SOX30: variants seen among roughly 807,000 people sequenced by gnomAD.
The protein encoded by SOX30 is SRY-box transcription factor 30.
SOX30 carries 17 observed loss-of-function variants against 58.6 expected under a neutral mutation model. The observed-to-expected ratio is 0.29, with a 90% CI of 0.20 to 0.44. The LOEUF is 0.44. SOX30 is among the 20% of genes least tolerant of loss of function. The probability of loss-of-function intolerance (pLI) is 1.00; values close to 1 mark genes in which losing one functional copy is unlikely to be tolerated. For missense variants in SOX30, 951 were observed against 965.8 expected, an observed-to-expected ratio of 0.98 and a Z score of 0.20; for synonymous variants, 421 against 400.2, an observed-to-expected ratio of 1.05 and a Z score of -0.62.
upstream of SOX30, among the ~76,000 whole-genome samples, chr5:157,652,641 T>C (rs1415483192): frequency 1.3e-5 from 2 of 152,346 alleles, no homozygotes; most frequent in Admixed American, 6.5e-5. Context: ...TATTAGCTAA[T>C]GTTGCTGGGG....
intron 3 of SOX30, among the ~76,000 whole-genome samples, chr5:157,646,112 A>G (rs1310762694): frequency 6.6e-6 from 1 of 152,168 alleles, no homozygotes; most frequent in Non-Finnish European, 1.5e-5. Flanking sequence ...TTTGGTTCTT[A>G]AAATCAGTAA....
chr5:157,633,095 G>A (rs574194532), intron 4 of SOX30, among the ~76,000 whole-genome samples: 1 of 152,236 alleles, frequency 6.6e-6, no homozygotes, highest in African/African-American at 2.4e-5. Context: ...ATTCCTTCCA[G>A]GGTCTTGGCT....
At chr5:157,652,917 T>C (rs1759398694), upstream of SOX30, among the ~76,000 whole-genome samples, 1 of 152,152 alleles carries the variant, frequency 6.6e-6, no homozygotes, top group African/African-American at 2.4e-5. Flanking sequence ...GTCACACTTT[T>C]CCTAAACTTT....
At chr5:157,653,075 T>C (rs191314780), upstream of SOX30, among the ~76,000 whole-genome samples, 23 of 152,382 alleles carry the variant, frequency 1.5e-4, no homozygotes, top group Non-Finnish European at 2.2e-4. Flanking sequence ...TAAATAGTTA[T>C]TGAGTCTTTG....
intron 4 of SOX30, 128 bp from the exon 5 acceptor site, chr5:157,626,849 A>C: frequency 1.0e-6 from 1 of 992,976 alleles, no homozygotes. Flanking sequence ...CACTTCATGT[A>C]TTCCTCTGCT....
In SOX30 at chr5:157,646,239, C is replaced by T. The variant is rs76998048; in HGVS notation, c.1387+398G>A. Among the ~76,000 whole-genome samples the T allele has an allele frequency of 2.1e-3, 322 of 152,276 alleles. 1 individual carries two copies. The highest frequency in any genetic ancestry group is 7.2e-3 in the African/African-American group (300 of 41,546). ...TTTTCTAGAGCAGTGAGAGAATGGT[C>T]TCAACAAATCAGTATCATTACTAAG... On this transcript the variant is annotated intron_variant, in intron 3 of 4. Transcript: ENST00000265007.
chr5:157,669,186 A>G (rs1027481278), intron 1 of SOX30, among the ~76,000 whole-genome samples: 4 of 152,040 alleles, frequency 2.6e-5, no homozygotes, highest in Admixed American at 6.6e-5. Context: ...GGGATTGGGG[A>G]GGGAAGCAAA....
At chr5:157,629,873 C>G (rs757149911) in intron 4 of SOX30, among the ~76,000 whole-genome samples, 33 of 152,188 alleles carry the variant, frequency 2.2e-4, no homozygotes, top group Admixed American at 1.0e-3. Flanking sequence ...AACTTGTTCT[C>G]CTAACTACCA....
At position 157,652,085 on chromosome 5, in the gene SOX30, G is replaced by C. The variant is rs1269361572; in HGVS notation, c.-7C>G. The C allele has an allele frequency of 8.6e-6, 12 of 1,399,594 alleles. No individual in the cohort carries two copies. The highest frequency in any genetic ancestry group is 3.3e-5 in the Admixed American group (1 of 30,706). 86.7% of individuals were successfully genotyped at this position (1,399,594 alleles called of 1,614,324 possible). On this transcript the variant is annotated 5_prime_UTR_variant, in exon 1 of 5. Coordinates refer to ENST00000265007, the MANE Select transcript of SOX30 (RefSeq NM_178424.2). ...CGGGTCTGGCTCTCTCCATGGGGGA[G>C]GGGGACGCCCCGGCCAGGATTGTGA...
At chr5:157,669,234 T>G (rs1253564967) in intron 1 of SOX30, among the ~76,000 whole-genome samples, 2 of 152,138 alleles carry the variant, frequency 1.3e-5, no homozygotes, top group African/African-American at 4.8e-5. Context: ...TACTCTGTAG[T>G]CCAGGCTAGA....
At chr5:157,669,487 T>TTTA (rs1759733582) in intron 1 of SOX30, among the ~76,000 whole-genome samples, 1 of 16,394 alleles carries the variant, frequency 6.1e-5, no homozygotes, top group Admixed American at 9.8e-4. Context: ...GCCCATCAAT[T>TTTA]TTATTTATTT....
chr5:157,666,017 T>G (rs1447460037), intron 2 of SOX30, among the ~76,000 whole-genome samples: 6 of 151,522 alleles, frequency 4.0e-5, no homozygotes, highest in Non-Finnish European at 8.8e-5. Context: ...AGCCACTTAG[T>G]TATTGGGAGA....
intron 2 of SOX30, chr5:157,667,761 CAT>C (rs765463308): frequency 1.4e-3 from 1,437 of 1,031,782 alleles, no homozygotes; most frequent in Admixed American, 2.1e-3. Flanking sequence ...TACATACATA[CAT>C]ACACACACAC....
At position 157,650,054 on chromosome 5, in the gene SOX30, G is replaced by C. The variant is rs374843357; in HGVS notation, c.967+1058C>G. On this transcript the variant is annotated intron_variant, in intron 1 of 4. Coordinates refer to ENST00000265007, the MANE Select transcript of SOX30 (RefSeq NM_178424.2). Reference sequence around the variant, plus strand: ...TTTCATAAAATAAAATTTAAAAAAAGAAAGTCACAGAGCCAGTTGAAATTT... The same window carrying C: ...TTTCATAAAATAAAATTTAAAAAAACAAAGTCACAGAGCCAGTTGAAATTT... Among the ~76,000 whole-genome samples the C allele has an allele frequency of 3.1e-4, 47 of 152,180 alleles. No homozygotes were observed. In the East Asian group the frequency reaches 5.0e-3, roughly 16 times the overall value.
chr5:157,644,048 C>A (rs1483034189), intron 3 of SOX30, among the ~76,000 whole-genome samples: 2 of 152,038 alleles, frequency 1.3e-5, no homozygotes, highest in African/African-American at 4.8e-5. Flanking sequence ...GATTGGGGAA[C>A]AAAATAGCAG....
chr5:157,657,330 A>G (rs1418211726), upstream of SOX30, among the ~76,000 whole-genome samples: 1 of 152,230 alleles, frequency 6.6e-6, no homozygotes, highest in African/African-American at 2.4e-5. Context: ...AAATTTCCTT[A>G]TCAATTGAGA....
chr5:157,663,387 T>C (rs1581408920), intron 2 of SOX30, among the ~76,000 whole-genome samples: 1 of 152,184 alleles, frequency 6.6e-6, no homozygotes, highest in African/African-American at 2.4e-5. Context: ...AAAAGGCCTC[T>C]GACAAAATTC....
chr5:157,664,830 A>G, intron 2 of SOX30, among the ~76,000 whole-genome samples: 1 of 152,256 alleles, frequency 6.6e-6, no homozygotes, highest in South Asian at 2.1e-4. Context: ...TTATGCAGCC[A>G]ACAGACACAT....
chr5:157,667,945 T>C (rs1444904075), intron 1 of SOX30: 1 of 1,341,820 alleles, frequency 7.5e-7, no homozygotes, highest in East Asian at 2.5e-5. Context: ...ACAACAACAC[T>C]TGTCAGGCAT....
Sources: allele counts gnomAD v4.1 joint callset (sites outside exome capture counted in the v4.1 genomes callset), GRCh38; gene constraint gnomAD v4.1.1; transcripts MANE v1.5; gene names NCBI Gene and HGNC (gene_info 2026-07-23, HGNC 2026-07-21).